ZNF503: variants seen among roughly 807,000 people sequenced by gnomAD.
ZNF503 encodes zinc finger protein 503, also known as NocA-like zinc finger 2.
ZNF503 carries 15 observed loss-of-function variants against 34.4 expected under a neutral mutation model. That is an observed-to-expected ratio of 0.44 (90% CI 0.29 to 0.67). The LOEUF (loss-of-function observed/expected upper bound fraction) is 0.67, where lower values mean the gene tolerates loss of function less well. Ranked by LOEUF, ZNF503 falls within the 30% of genes least tolerant of loss-of-function variation. ZNF503 has a pLI of 0.13. For missense variants in ZNF503, 1,007 were observed against 926.8 expected, an observed-to-expected ratio of 1.09 and a Z score of -1.12; for synonymous variants, 580 against 456.8, an observed-to-expected ratio of 1.27 and a Z score of -3.44.
chr10:75,362,879 G>T, the ZNF503 span, among the ~76,000 whole-genome samples: 2 of 152,152 alleles, frequency 1.3e-5, no homozygotes, highest in African/African-American at 2.4e-5. Flanking sequence ...ACCTGGTCTT[G>T]TTCAAAATGG....
At chr10:75,384,138 G>A in the ZNF503 span, among the ~76,000 whole-genome samples, 1 of 152,132 alleles carries the variant, frequency 6.6e-6, no homozygotes, top group South Asian at 2.1e-4. Context: ...TGGGAGGTGT[G>A]GGGCAGGGGA....
the ZNF503 span, among the ~76,000 whole-genome samples, chr10:75,285,308 T>C: frequency 6.6e-6 from 1 of 152,226 alleles, no homozygotes; most frequent in African/African-American, 2.4e-5. Flanking sequence ...ACCATCTGGC[T>C]CCAGAGTCTA....
At chr10:75,323,719 G>A in the ZNF503 span, among the ~76,000 whole-genome samples, 13 of 152,026 alleles carry the variant, frequency 8.6e-5, no homozygotes, top group Admixed American at 4.6e-4. Context: ...ATTGGGTTGC[G>A]GCCAGGCACG....
At chr10:75,344,944 A>G in the ZNF503 span, among the ~76,000 whole-genome samples, 1 of 152,216 alleles carries the variant, frequency 6.6e-6, no homozygotes, top group Admixed American at 6.5e-5. Flanking sequence ...AAGTCTTATT[A>G]TCCAACCCCT....
At chr10:75,300,067 G>A in the ZNF503 span, among the ~76,000 whole-genome samples, 18 of 152,250 alleles carry the variant, frequency 1.2e-4, no homozygotes, top group East Asian at 3.1e-3. Context: ...GGGAGACTGG[G>A]GCTTATTTCA....
chr10:75,381,218 GTTTGT>G, the ZNF503 span, among the ~76,000 whole-genome samples: 11 of 152,210 alleles, frequency 7.2e-5, no homozygotes, highest in African/African-American at 1.4e-4. Flanking sequence ...ATTTTTGTTT[GTTTGT>G]TTTGTTTTGT....
At chr10:75,309,049 G>A in the ZNF503 span, among the ~76,000 whole-genome samples, 1 of 152,096 alleles carries the variant, frequency 6.6e-6, no homozygotes, top group Admixed American at 6.5e-5. Flanking sequence ...TCACCATGTT[G>A]CCTAGGCTGG....
the ZNF503 span, among the ~76,000 whole-genome samples, chr10:75,312,496 A>C: frequency 1.3e-5 from 2 of 152,184 alleles, no homozygotes; most frequent in Non-Finnish European, 2.9e-5. Context: ...ATATCACAAA[A>C]TACCTAACAT....
the ZNF503 span, among the ~76,000 whole-genome samples, chr10:75,333,239 C>G: frequency 9.6e-6 from 1 of 104,612 alleles, no homozygotes; most frequent in Non-Finnish European, 2.0e-5. Context: ...GGGGCTGACC[C>G]CCCCCACCTC....
At chr10:75,352,906 C>A in the ZNF503 span, among the ~76,000 whole-genome samples, 1 of 152,306 alleles carries the variant, frequency 6.6e-6, no homozygotes, top group East Asian at 1.9e-4. Flanking sequence ...GCCTCCGCCT[C>A]CCCCAGCCAC....
chr10:75,342,436 ACTC>A, the ZNF503 span, among the ~76,000 whole-genome samples: 3 of 151,634 alleles, frequency 2.0e-5, no homozygotes, highest in African/African-American at 7.3e-5. Context: ...AAGTTGAACA[ACTC>A]CTGGAAAGCT....
chr10:75,380,931 T>C, the ZNF503 span, among the ~76,000 whole-genome samples: 1 of 152,172 alleles, frequency 6.6e-6, no homozygotes, highest in Admixed American at 6.5e-5. Context: ...AGACCTCGAA[T>C]TGCATCATGG....
the ZNF503 span, among the ~76,000 whole-genome samples, chr10:75,317,015 C>T: frequency 6.6e-6 from 1 of 152,174 alleles, no homozygotes; most frequent in Non-Finnish European, 1.5e-5. Flanking sequence ...AGTCATAGCT[C>T]ACTGCAGCCT....
the ZNF503 span, among the ~76,000 whole-genome samples, chr10:75,305,959 G>A: frequency 6.6e-6 from 1 of 152,166 alleles, no homozygotes; most frequent in Admixed American, 6.5e-5. Context: ...CAGTTGGATT[G>A]CTTCCATGTT....
At chr10:75,337,862 C>T in the ZNF503 span, among the ~76,000 whole-genome samples, 1 of 152,232 alleles carries the variant, frequency 6.6e-6, no homozygotes, top group African/African-American at 2.4e-5. Context: ...ACACCAATAC[C>T]TAGAGAGGGG....
At chr10:75,308,816 CAGATA>C in the ZNF503 span, among the ~76,000 whole-genome samples, 1 of 152,166 alleles carries the variant, frequency 6.6e-6, no homozygotes, top group Non-Finnish European at 1.5e-5. Context: ...AAAACTTGAA[CAGATA>C]AGATAAGTAG....
chr10:75,401,637 C>T lies in ZNF503; in HGVS notation c.-218G>A. 1.7e-6 allele frequency: 1 copy of T among 574,476 alleles called. No individual in the cohort carries two copies. The highest frequency in any genetic ancestry group is 2.0e-5 in the African/African-American group (1 of 49,826). The allele number at this position is 574,476 out of a possible 1,614,324, so 35.6% of individuals were successfully genotyped here. On this transcript the variant is annotated 5_prime_UTR_variant, in exon 1 of 2. Transcript: ENST00000372524. Reference sequence around the variant, plus strand: ...GCCGTGGCCGGGCTAGAGGAGCCGGCTGGACTGCGGGAGTGCCGGGCGGCT... The same window carrying T: ...GCCGTGGCCGGGCTAGAGGAGCCGGTTGGACTGCGGGAGTGCCGGGCGGCT...
the ZNF503 span, among the ~76,000 whole-genome samples, chr10:75,366,240 G>T: frequency 2.6e-5 from 4 of 152,186 alleles, no homozygotes; most frequent in African/African-American, 9.7e-5. Context: ...ACAGCTGTGG[G>T]CTATATCCTA....
the ZNF503 span, among the ~76,000 whole-genome samples, chr10:75,295,879 G>A: frequency 2.0e-5 from 3 of 152,144 alleles, no homozygotes; most frequent in Non-Finnish European, 2.9e-5. This position sits in a 1 kb window ranked among gnomAD's most constrained non-coding sequence, Gnocchi z 4.0. Flanking sequence ...CACATGGAAG[G>A]GGGGAGAGAG....
Sources: gnomAD v4.1 joint callset for allele counts (sites outside exome capture counted in the v4.1 genomes callset) on GRCh38, gnomAD v4.1.1 for gene constraint, Gnocchi (gnomAD v3.1) non-coding constraint, MANE v1.5 for transcripts, NCBI Gene and HGNC (gene_info 2026-07-23, HGNC 2026-07-21) for gene names.